Variants in NLGN1 observed in about 807,000 individuals in gnomAD.
The protein encoded by NLGN1 is neuroligin 1.
In NLGN1, 12 loss-of-function variants were observed where a neutral mutation model predicts 65.5. The observed-to-expected ratio is 0.18, with a 90% CI of 0.12 to 0.30. The LOEUF (loss-of-function observed/expected upper bound fraction) is 0.30, where lower values mean the gene tolerates loss of function less well. NLGN1 is among the 10% of genes least tolerant of loss of function. NLGN1 has a pLI of 1.00. For missense variants in NLGN1, 750 were observed against 1,007.1 expected (o/e 0.74, Z 3.46); for synonymous variants, 350 against 359.5 (o/e 0.97, Z 0.30).
At chr3:173,731,532 T>C (rs1028398152) in intron 3 of NLGN1, among the ~76,000 whole-genome samples, 5 of 152,066 alleles carry the variant, frequency 3.3e-5, no homozygotes, top group Admixed American at 1.3e-4. Flanking sequence ...AATAAATATG[T>C]GATAAATAGT....
downstream of NLGN1, among the ~76,000 whole-genome samples, chr3:174,290,231 G>A (rs77936654): frequency 0.017 from 2,604 of 150,756 alleles, 26 homozygotes; most frequent in Admixed American, 0.026. Context: ...CGTATTTCAT[G>A]AGTTACTATA....
intron 4 of NLGN1, among the ~76,000 whole-genome samples, chr3:174,274,829 A>ACAAGT (rs749598149): frequency 1.3e-5 from 2 of 150,994 alleles, no homozygotes; most frequent in South Asian, 4.1e-4. Context: ...ATCTTTCTCT[A>ACAAGT]CAAGTCTTAC....
intron 1 of NLGN1, among the ~76,000 whole-genome samples, chr3:173,409,050 TCA>T (rs1189002018): frequency 6.6e-6 from 1 of 152,052 alleles, no homozygotes; most frequent in African/African-American, 2.4e-5. Context: ...GCCTGAGATC[TCA>T]CAGAACAGCC....
At chr3:174,092,336 G>A (rs1011178522) in intron 4 of NLGN1, among the ~76,000 whole-genome samples, 11 of 152,112 alleles carry the variant, frequency 7.2e-5, no homozygotes, top group African/African-American at 2.7e-4. Flanking sequence ...CAAAAATGGG[G>A]AACAGGTACT....
intron 4 of NLGN1, among the ~76,000 whole-genome samples, chr3:174,269,692 T>G (rs868512079): frequency 2.0e-5 from 3 of 152,006 alleles, no homozygotes; most frequent in Admixed American, 6.6e-5. Context: ...TTGAATTCTT[T>G]TGTATATATA....
intron 1 of NLGN1, among the ~76,000 whole-genome samples, chr3:173,414,071 T>C (rs185902420): frequency 1.1e-3 from 164 of 152,264 alleles, no homozygotes; most frequent in African/African-American, 3.7e-3. Flanking sequence ...ATCTTCATAC[T>C]TACATTGTAT....
chr3:173,529,397 A>G (rs1211690998), intron 2 of NLGN1, among the ~76,000 whole-genome samples: 2 of 152,178 alleles, frequency 1.3e-5, no homozygotes, highest in Non-Finnish European at 2.9e-5. Context: ...GGGGACAAAG[A>G]TGGGCAGATC....
At chr3:174,255,347 A>T (rs1745491231) in intron 4 of NLGN1, among the ~76,000 whole-genome samples, 1 of 148,408 alleles carries the variant, frequency 6.7e-6, no homozygotes. Flanking sequence ...GAGGCAGGAG[A>T]AGGCCATGAA....
At chr3:174,109,609 C>A (rs78186968) in intron 4 of NLGN1, among the ~76,000 whole-genome samples, 1 of 151,866 alleles carries the variant, frequency 6.6e-6, no homozygotes, top group South Asian at 2.1e-4. Context: ...ATAACTCCAT[C>A]GAGAAATTAA....
rs73050426 is a variant in NLGN1, at chr3:173,742,624, A to C, written c.494-65056A>C. ...CTAAGCCTTTATATTTTCCTTCATA[A>C]CATGTTTTTGGTCATTTAAGAAAAC... On this transcript the variant is annotated intron_variant, in intron 3 of 6. Coordinates refer to ENST00000457714, the Ensembl canonical transcript of NLGN1. Among the ~76,000 whole-genome samples the C allele has an allele frequency of 5.3e-3, 809 of 152,178 alleles. 5 individuals carry two copies. Among genetic ancestry groups the C allele is most frequent in the African/African-American group, 0.018 (751 of 41,544 alleles).
chr3:174,076,208 A>G (rs533382614), intron 4 of NLGN1, among the ~76,000 whole-genome samples: 10 of 152,294 alleles, frequency 6.6e-5, no homozygotes, highest in South Asian at 4.1e-4. Flanking sequence ...AGGCAATAAC[A>G]TAATTCTAAG....
At chr3:173,866,997 G>T (rs758381401) in intron 4 of NLGN1, among the ~76,000 whole-genome samples, 26 of 152,146 alleles carry the variant, frequency 1.7e-4, no homozygotes, top group Non-Finnish European at 3.1e-4. Flanking sequence ...CTTTGAATGT[G>T]TATGGCTTAA....
chr3:173,502,316 T>C (rs1322587729), intron 2 of NLGN1, among the ~76,000 whole-genome samples: 1 of 152,098 alleles, frequency 6.6e-6, no homozygotes, highest in East Asian at 1.9e-4. Flanking sequence ...CCAAAGTATA[T>C]AAATAAATCT....
intron 4 of NLGN1, among the ~76,000 whole-genome samples, chr3:174,134,576 G>C (rs565775766): frequency 6.6e-5 from 10 of 152,190 alleles, no homozygotes; most frequent in African/African-American, 2.2e-4. Context: ...CATGGTGGGT[G>C]CCCAAAATGA....
At chr3:174,041,436 G>A (rs901365180) in intron 4 of NLGN1, among the ~76,000 whole-genome samples, 1 of 152,038 alleles carries the variant, frequency 6.6e-6, no homozygotes, top group Non-Finnish European at 1.5e-5. Flanking sequence ...AAATAAAACT[G>A]CTATGAGTGT....
At chr3:173,625,905 C>T (rs1403187587) in intron 3 of NLGN1, among the ~76,000 whole-genome samples, 1 of 152,010 alleles carries the variant, frequency 6.6e-6, no homozygotes, top group East Asian at 1.9e-4. Context: ...GACTTTGTTA[C>T]ACTATAAAAG....
chr3:173,714,289 T>G (rs185744310), intron 3 of NLGN1, among the ~76,000 whole-genome samples: 57 of 152,266 alleles, frequency 3.7e-4, no homozygotes, highest in Middle Eastern at 3.4e-3. Flanking sequence ...CTTGATTTTC[T>G]CATCTAAAGT....
chr3:174,184,852 G>T (rs2152751197), intron 4 of NLGN1, among the ~76,000 whole-genome samples: 1 of 152,276 alleles, frequency 6.6e-6, no homozygotes, highest in South Asian at 2.1e-4. Context: ...GGTCTCATGA[G>T]TTGGGGATGG....
chr3:173,929,565 A>G (rs765983883), intron 4 of NLGN1, among the ~76,000 whole-genome samples: 1 of 148,026 alleles, frequency 6.8e-6, no homozygotes, highest in Non-Finnish European at 1.5e-5. Context: ...ATAAATGATC[A>G]CTGTCATTTC....
Sources: allele counts gnomAD v4.1 joint callset (sites outside exome capture counted in the v4.1 genomes callset), GRCh38; gene constraint gnomAD v4.1.1; transcripts MANE v1.5; gene names NCBI Gene and HGNC (gene_info 2026-07-23, HGNC 2026-07-21).